Variants in ADGRV1 observed in about 807,000 individuals in gnomAD.
ADGRV1 encodes the protein adhesion G protein-coupled receptor V1, also known as G-protein coupled receptor 98.
ADGRV1 carries 359 observed loss-of-function variants against 596.2 expected under a neutral mutation model. The observed-to-expected ratio is 0.60, with a 90% CI of 0.55 to 0.66. The LOEUF is 0.66. Ranked by LOEUF, ADGRV1 falls within the 30% of genes least tolerant of loss-of-function variation. The pLI, the probability that ADGRV1 is intolerant of heterozygous loss-of-function variation, is 0.00. For synonymous variants in ADGRV1, 2,681 were observed against 2,679.2 expected (o/e 1.00, Z -0.02); for missense variants, 7,274 against 7,575.6 (o/e 0.96, Z 1.48).
chr5:90,879,352 G>A (rs1317015332), intron 83 of ADGRV1, among the ~76,000 whole-genome samples: 1 of 152,138 alleles, frequency 6.6e-6, no homozygotes, highest in Non-Finnish European at 1.5e-5. Context: ...TACACAGGGT[G>A]AAATAAACTT....
intron 88 of ADGRV1, among the ~76,000 whole-genome samples, chr5:91,150,953 A>T (rs1796000194): frequency 6.6e-6 from 1 of 152,168 alleles, no homozygotes; most frequent in Admixed American, 6.5e-5. Context: ...CCAGGAGGAG[A>T]TAGTAACAAA....
Position 90,625,140 on chromosome 5 carries a change from G to T in ADGRV1, c.569G>T (p.Gly190Val), listed in dbSNP as rs369418418. 14 of 1,607,020 alleles carry T rather than the reference G, an allele frequency of 8.7e-6. No homozygotes were observed. Among genetic ancestry groups the T allele is most frequent in the Non-Finnish European group, 1.2e-5 (14 of 1,174,856 alleles). The change falls in exon 6 of 90, where the codon GGC becomes GTC. Residue 190 changes from glycine (G) to valine (V), a missense_variant. Coordinates refer to ENST00000405460, the MANE Select transcript of ADGRV1 (RefSeq NM_032119.4). ...TGTGTTTCTTTGCAGGTAGAGGGTG[G>T]CCCAAATCCCCCTGATGAAGATTTG... ...MVMVTFEVEGGPNPPDEDLSP... is the reference protein window; with the variant it reads ...MVMVTFEVEGVPNPPDEDLSP...
At chr5:90,736,036 C>A (rs1002655396) in intron 50 of ADGRV1, among the ~76,000 whole-genome samples, 14 of 152,136 alleles carry the variant, frequency 9.2e-5, no homozygotes, top group African/African-American at 3.4e-4. Flanking sequence ...CAATAGTGGG[C>A]ATCTTTGTCT....
intron 83 of ADGRV1, among the ~76,000 whole-genome samples, chr5:90,953,395 C>T (rs1370911478): frequency 2.6e-5 from 4 of 152,160 alleles, no homozygotes; most frequent in African/African-American, 9.6e-5. Flanking sequence ...TTACTTCCCT[C>T]CTCATTTAGT....
intron 83 of ADGRV1, among the ~76,000 whole-genome samples, chr5:90,936,259 TA>T (rs1347035797): frequency 6.6e-6 from 1 of 152,106 alleles, no homozygotes; most frequent in African/African-American, 2.4e-5. Flanking sequence ...ATTTTCTGTA[TA>T]TTTCTAACAT....
At chr5:91,149,900 T>G in intron 87 of ADGRV1, 130 bp from the exon 88 acceptor site, 1 of 584,598 alleles carries the variant, frequency 1.7e-6, no homozygotes, top group Non-Finnish European at 2.7e-6. Context: ...TCTTGGGTAT[T>G]TCTTCATAGC....
At chr5:90,912,916 A>G (rs965534942) in intron 83 of ADGRV1, among the ~76,000 whole-genome samples, 2 of 152,010 alleles carry the variant, frequency 1.3e-5, no homozygotes, top group African/African-American at 4.8e-5. Flanking sequence ...TCAATCCTAT[A>G]TTTTCCACAT....
At chr5:90,847,617 G>A (rs985080571) in intron 78 of ADGRV1, among the ~76,000 whole-genome samples, 5 of 152,174 alleles carry the variant, frequency 3.3e-5, no homozygotes, top group African/African-American at 1.2e-4. Flanking sequence ...ACGGTGGTGG[G>A]GGGAGGCTCA....
Position 90,753,812 on chromosome 5 carries a change from G to C in ADGRV1, c.11360G>C (p.Arg3787Thr). ...TGGCGTGCTGCGTCTGTCTTCATTA[G>C]AGTAGCAGAGCCTAAAGGTAAATAT... Reference protein sequence around the residue: ...VGWRAASVFIRVAEPKENTTT... With the variant: ...VGWRAASVFITVAEPKENTTT... Residue 3787 changes from arginine to threonine, a missense_variant, in exon 54 of 90, where the codon AGA becomes ACA. By Grantham distance (71) the Arg-to-Thr change is moderately conservative. Around this residue, in one of 5 missense-constraint regions of ADGRV1, gnomAD observed 3,643 missense variants for 3,809.2 expected, o/e 0.96. Coordinates refer to ENST00000405460, the MANE Select transcript of ADGRV1 (RefSeq NM_032119.4). The C allele has an allele frequency of 1.2e-6, 2 of 1,607,708 alleles. No individual in the cohort carries two copies. Among genetic ancestry groups the C allele is most frequent in the South Asian group, 2.2e-5 (2 of 90,320 alleles).
At position 90,628,801 on chromosome 5, in the gene ADGRV1, G is replaced by A. The variant is rs1009316043; in HGVS notation, c.1478G>A (p.Arg493Gln). The A allele has an allele frequency of 3.7e-6, 6 of 1,613,880 alleles. No homozygotes were observed. Among genetic ancestry groups the A allele is most frequent in the East Asian group, 2.2e-5 (1 of 44,900 alleles). ...CTTCAAATTCTGCCTCATACAATACGAGGAGGTGCAGAAGTGAGCGAGCCA... is the reference window on the plus strand; with the variant it reads ...CTTCAAATTCTGCCTCATACAATACAAGGAGGTGCAGAAGTGAGCGAGCCA... Reference protein sequence around the residue: ...YLLQILPHTIRGGAEVSEPAE... With the variant: ...YLLQILPHTIQGGAEVSEPAE... The change falls in exon 8 of 90, where the codon CGA becomes CAA. Residue 493 changes from arginine (R) to glutamine (Q), a missense_variant. By Grantham distance (43) the Arg-to-Gln change is conservative (BLOSUM62 1). This residue lies in a region of ADGRV1 where 1,715 missense variants were observed against 1,708.8 expected (regional missense o/e 1.00). Coordinates refer to ENST00000405460, the MANE Select transcript of ADGRV1 (RefSeq NM_032119.4).
rs574459782 is a variant in ADGRV1 at position 90,906,819 on chromosome 5, G to A, written c.17856+42962G>A. Reference sequence around the variant, plus strand: ...CTAGTTCTTTAAGGTGCATCATTAGGTTGTTTATTTGAATTTTTTTGCTTT... The same window carrying A: ...CTAGTTCTTTAAGGTGCATCATTAGATTGTTTATTTGAATTTTTTTGCTTT... On this transcript the variant is annotated intron_variant, in intron 83 of 89. Transcript: ENST00000405460. Among the ~76,000 whole-genome samples the A allele has an allele frequency of 5.9e-5, 9 of 152,172 alleles. No homozygotes were observed. In the South Asian group the frequency reaches 1.7e-3, roughly 28 times the overall value.
At chr5:90,967,068 A>G (rs1294156837) in intron 84 of ADGRV1, among the ~76,000 whole-genome samples, 1 of 152,164 alleles carries the variant, frequency 6.6e-6, no homozygotes, top group Non-Finnish European at 1.5e-5. Flanking sequence ...AATACCACAT[A>G]CCACACAGGC....
intron 60 of ADGRV1, 41 bp from the exon 61 acceptor site, chr5:90,776,412 G>A: frequency 1.9e-6 from 3 of 1,574,496 alleles, no homozygotes; most frequent in South Asian, 2.3e-5. Flanking sequence ...AAGTGCTTAT[G>A]TGCACCTGCT....
chr5:91,098,184 T>C (rs1791042585), intron 86 of ADGRV1, among the ~76,000 whole-genome samples: 1 of 152,158 alleles, frequency 6.6e-6, no homozygotes, highest in East Asian at 1.9e-4. Context: ...GCTTAGGAAA[T>C]ATAAAACCAA....
chr5:90,957,113 C>T (rs1777550009), intron 83 of ADGRV1, among the ~76,000 whole-genome samples: 2 of 152,084 alleles, frequency 1.3e-5, no homozygotes, highest in Admixed American at 6.6e-5. Flanking sequence ...GGCACATCAT[C>T]CAGGCAATCT....
intron 52 of ADGRV1, among the ~76,000 whole-genome samples, chr5:90,747,061 G>T (rs1451146034): frequency 6.6e-6 from 1 of 152,158 alleles, no homozygotes; most frequent in East Asian, 1.9e-4. Context: ...AGAATGCAAG[G>T]GAGGGAGTGG....
chr5:91,008,714 G>A (rs11949884), intron 85 of ADGRV1, among the ~76,000 whole-genome samples: 35,126 of 151,708 alleles, frequency 0.23, 4,380 homozygotes, highest in Non-Finnish European at 0.29. Context: ...ATGTTGAGGC[G>A]GGTCACAAAC....
intron 1 of ADGRV1, among the ~76,000 whole-genome samples, chr5:90,609,366 AATAAC>A (rs1399990670): frequency 1.3e-5 from 2 of 151,684 alleles, no homozygotes; most frequent in African/African-American, 4.9e-5. Context: ...AATAAAGACA[AATAAC>A]ATTAACTACA....
At chr5:90,640,943 C>G (rs1183482305) in intron 11 of ADGRV1, 1 of 152,592 alleles carries the variant, frequency 6.6e-6, no homozygotes, top group Non-Finnish European at 1.5e-5. Context: ...TTGGACGAGA[C>G]TGCTGTTCTG....
Sources: allele counts gnomAD v4.1 joint callset (sites outside exome capture counted in the v4.1 genomes callset), GRCh38; gene constraint gnomAD v4.1.1; regional missense constraint gnomAD v4.1.1; transcripts MANE v1.5; gene names NCBI Gene and HGNC (gene_info 2026-07-23, HGNC 2026-07-21).